SHOC2: variants seen among roughly 807,000 people sequenced by gnomAD.
The protein encoded by SHOC2 is leucine-rich repeat protein SHOC-2.
SHOC2 carries 4 observed loss-of-function variants against 50.2 expected under a neutral mutation model. The ratio of observed to expected loss-of-function variants is 0.08; its 90% confidence interval spans 0.04 to 0.18. The LOEUF is 0.18. Among genes scored for constraint, SHOC2 ranks in the 10% least tolerant of loss-of-function variants. The pLI is 1.00. For synonymous variants in SHOC2, 218 were observed against 244.5 expected (o/e 0.89, Z 1.01); for missense variants, 388 against 669.6 (o/e 0.58, Z 4.64).
At chr10:111,007,700 A>G in intron 6 of SHOC2, 47 bp downstream of exon 6, 1 of 1,597,766 alleles carries the variant, frequency 6.3e-7, no homozygotes, top group Non-Finnish European at 8.6e-7. Flanking sequence ...TTCCATACGT[A>G]TCTCATTTAA....
chr10:110,998,868 T>A (rs1848316309), intron 3 of SHOC2, among the ~76,000 whole-genome samples: 1 of 152,230 alleles, frequency 6.6e-6, no homozygotes, highest in Non-Finnish European at 1.5e-5. Context: ...TGCAGATGAT[T>A]GATGACCAAA....
At chr10:110,986,330 T>C (rs1223844673) in intron 3 of SHOC2, among the ~76,000 whole-genome samples, 1 of 152,204 alleles carries the variant, frequency 6.6e-6, no homozygotes, top group Non-Finnish European at 1.5e-5. Context: ...CCCATAAATT[T>C]ATACCAGTAA....
In SHOC2 at chr10:111,011,694, A is replaced by G. The variant is rs772518896; in HGVS notation, c.1625A>G (p.Lys542Arg). Reference protein sequence around the residue: ...SLPFELALCSKLSIMSIENCP... With the variant: ...SLPFELALCSRLSIMSIENCP... ...CCCTTTGAGCTGGCACTCTGCAGCA[A>G]GCTTTCAATCATGAGTATTGAGAAC... The change falls in exon 9 of 9, where the codon AAG (lysine) becomes AGG (arginine). Residue 542 changes from lysine (K) to arginine (R), a missense_variant. This residue lies in a region of SHOC2 where 130 missense variants were observed against 208.6 expected (regional missense o/e 0.62). Coordinates refer to ENST00000369452, the MANE Select transcript of SHOC2 (RefSeq NM_007373.4). The G allele has an allele frequency of 6.8e-6, 11 of 1,613,944 alleles. No individual in the cohort carries two copies. The highest frequency in any genetic ancestry group is 4.2e-6 in the Non-Finnish European group (5 of 1,179,968).
At chr10:111,009,953 T>G (rs1432442381) in intron 8 of SHOC2, 123 bp downstream of exon 8, 1 of 645,862 alleles carries the variant, frequency 1.5e-6, no homozygotes, top group East Asian at 2.7e-5. Flanking sequence ...GGCTTAAGAT[T>G]TTTTTTTTTA....
intron 1 of SHOC2, among the ~76,000 whole-genome samples, chr10:110,929,226 T>C (rs1328031406): frequency 1.3e-5 from 2 of 152,240 alleles, no homozygotes; most frequent in African/African-American, 2.4e-5. Context: ...GCACATCTTA[T>C]GGCCATTATC....
chr10:111,003,076 C>A (rs1848408689), intron 4 of SHOC2, among the ~76,000 whole-genome samples: 1 of 152,120 alleles, frequency 6.6e-6, no homozygotes, highest in African/African-American at 2.4e-5. Flanking sequence ...TGTTTCTGTA[C>A]AACAATACAC....
rs1390286393 is a variant in SHOC2, at chr10:110,965,138, A to T, written c.703+77A>T. Reference sequence around the variant, plus strand: ...TTTGAGTGCTTTCTCATATCAAAAAATGCCTGATACTTGCCTAAAAACAGC... The same window carrying T: ...TTTGAGTGCTTTCTCATATCAAAAATTGCCTGATACTTGCCTAAAAACAGC... On this transcript the variant is annotated intron_variant, in intron 2 of 8. Coordinates refer to ENST00000369452, the MANE Select transcript of SHOC2 (RefSeq NM_007373.4). 5 of 1,279,958 alleles carry T rather than the reference A, an allele frequency of 3.9e-6. No individual in the cohort carries two copies. The Admixed American group carries it at 5.6e-5, about 14-fold the overall frequency. 79.3% of individuals were successfully genotyped at this position (1,279,958 alleles called of 1,614,324 possible). A position where few individuals can be genotyped will look rare whatever the true frequency, so the allele number is the denominator to read the frequency against.
At chr10:110,941,072 C>G (rs77321570) in intron 1 of SHOC2, among the ~76,000 whole-genome samples, 1 of 151,898 alleles carries the variant, frequency 6.6e-6, no homozygotes, top group African/African-American at 2.4e-5. Flanking sequence ...GCTGAGACAA[C>G]AGGTACATGC....
intron 1 of SHOC2, among the ~76,000 whole-genome samples, chr10:110,934,053 T>A (rs1403643289): frequency 6.6e-6 from 1 of 152,240 alleles, no homozygotes; most frequent in African/African-American, 2.4e-5. Flanking sequence ...ATTTAAATAA[T>A]ATATCATTTG....
chr10:110,973,878 A>G (rs1361092927), intron 2 of SHOC2, among the ~76,000 whole-genome samples: 1 of 151,610 alleles, frequency 6.6e-6, no homozygotes, highest in Non-Finnish European at 1.5e-5. Context: ...ATATATATAT[A>G]CACTATATAT....
intron 4 of SHOC2, among the ~76,000 whole-genome samples, chr10:111,004,264 A>C (rs1848430651): frequency 6.6e-6 from 1 of 152,190 alleles, no homozygotes; most frequent in South Asian, 2.1e-4. Context: ...AGAAGTTTCA[A>C]ATTAGTCACC....
chr10:110,922,976 G>A (rs941401237), intron 1 of SHOC2, among the ~76,000 whole-genome samples: 5 of 151,978 alleles, frequency 3.3e-5, no homozygotes, highest in Admixed American at 2.0e-4. Context: ...TTGCTTGTTG[G>A]TAGACCTGTA....
intron 1 of SHOC2, among the ~76,000 whole-genome samples, chr10:110,920,541 TCTTC>T (rs1302858579): frequency 6.6e-6 from 1 of 152,254 alleles, no homozygotes; most frequent in Non-Finnish European, 1.5e-5. Flanking sequence ...CTTTTTCTTT[TCTTC>T]CTTCCTTTCT....
chr10:110,985,525 T>G, intron 2 of SHOC2, 103 bp from the exon 3 acceptor site: 1 of 854,530 alleles, frequency 1.2e-6, no homozygotes, highest in Non-Finnish European at 1.9e-6. Flanking sequence ...ATGTTTCCCG[T>G]TGTTTGTGTT....
intron 1 of SHOC2, among the ~76,000 whole-genome samples, chr10:110,948,176 A>G (rs1847283923): frequency 1.3e-5 from 2 of 152,252 alleles, no homozygotes; most frequent in African/African-American, 4.8e-5. Flanking sequence ...AAGATATAAT[A>G]GTTGTAAATA....
Position 111,013,304 on chromosome 10 carries a change from T to TG in SHOC2, c.*1487dup, listed in dbSNP as rs759715534. On this transcript the variant is annotated 3_prime_UTR_variant, in exon 9 of 9. Coordinates refer to ENST00000369452, the MANE Select transcript of SHOC2 (RefSeq NM_007373.4). Reference sequence around the variant, plus strand: ...GTATAATTACATATTGCTGCTTGTGTGTTTTTTTTTTTTTCCATTTAGTTG... The same window carrying TG: ...GTATAATTACATATTGCTGCTTGTGTGGTTTTTTTTTTTTTCCATTTAGTTG... The TG allele has an allele frequency of 6.7e-6, 1 of 150,024 alleles. No individual in the cohort carries two copies. The highest frequency in any genetic ancestry group is 1.9e-4 in the East Asian group (1 of 5,160). The allele number at this position is 150,024 out of a possible 1,614,324, so 9.3% of individuals were successfully genotyped here.
At chr10:110,991,914 C>T (rs1474757660) in intron 3 of SHOC2, among the ~76,000 whole-genome samples, 1 of 152,208 alleles carries the variant, frequency 6.6e-6, no homozygotes, top group Non-Finnish European at 1.5e-5. Context: ...GAAAGCCCAA[C>T]ACCTGTTCTG....
chr10:110,947,780 A>G (rs2134099285), intron 1 of SHOC2, among the ~76,000 whole-genome samples: 1 of 152,162 alleles, frequency 6.6e-6, no homozygotes, highest in Non-Finnish European at 1.5e-5. Flanking sequence ...AAAAAAAAAA[A>G]AATCAAATCG....
At chr10:111,006,782 T>C (rs1848476755) in intron 5 of SHOC2, among the ~76,000 whole-genome samples, 1 of 152,050 alleles carries the variant, frequency 6.6e-6, no homozygotes, top group East Asian at 1.9e-4. Context: ...CTGGATGGGG[T>C]GTTGATTATC....
Sources: gnomAD v4.1 joint callset for allele counts (sites outside exome capture counted in the v4.1 genomes callset) on GRCh38, gnomAD v4.1.1 for gene constraint, gnomAD v4.1.1 regional missense constraint, MANE v1.5 for transcripts, NCBI Gene and HGNC (gene_info 2026-07-23, HGNC 2026-07-21) for gene names.